The following EXOC2 variants were observed in gnomAD, a reference collection of about 807,000 sequenced individuals.
The protein encoded by EXOC2 is SEC5-like 1.
Under a neutral mutation model 131.8 loss-of-function variants are expected in EXOC2, and 70 were observed. The observed-to-expected ratio is 0.53, with a 90% CI of 0.44 to 0.65. The LOEUF (loss-of-function observed/expected upper bound fraction) is 0.65. Among genes scored for constraint, EXOC2 ranks in the 30% least tolerant of loss-of-function variants. EXOC2 has a pLI of 0.00. For synonymous variants in EXOC2, 411 were observed against 398.4 expected, an observed-to-expected ratio of 1.03 and a Z score of -0.38; for missense variants, 923 against 1,108.6, an observed-to-expected ratio of 0.83 and a Z score of 2.38.
At chr6:666,229 A>G (rs1763638805) in intron 1 of EXOC2, among the ~76,000 whole-genome samples, 1 of 152,252 alleles carries the variant, frequency 6.6e-6, no homozygotes, top group African/African-American at 2.4e-5. Context: ...TAATTTTCAG[A>G]TGTAGAAGAC....
intron 27 of EXOC2, among the ~76,000 whole-genome samples, chr6:488,258 C>A (rs545046748): frequency 2.0e-5 from 3 of 152,214 alleles, no homozygotes; most frequent in Non-Finnish European, 4.4e-5. Flanking sequence ...GCACTGCATT[C>A]ACGGTGCCAG....
intron 1 of EXOC2, among the ~76,000 whole-genome samples, chr6:647,247 C>T (rs1405497101): frequency 6.6e-6 from 1 of 152,090 alleles, no homozygotes; most frequent in Non-Finnish European, 1.5e-5. Context: ...TAGAAATATG[C>T]TGCTCTCCTT....
chr6:657,771 A>G lies in EXOC2; in HGVS notation c.-43-19910T>C, dbSNP rs1001340694. ...CTGTAGCACTCTGGCAGGCAAAAAA[A>G]AAAAAAAAAAATTCAACTTGCACTG... On this transcript the variant is annotated intron_variant, in intron 1 of 27. Transcript: ENST00000230449. 1.3e-4 allele frequency among the ~76,000 whole-genome samples: 20 copies of G among 152,216 alleles called. No individual in the cohort carries two copies. In the South Asian group the frequency reaches 4.2e-3, roughly 32 times the overall value.
chr6:680,564 G>C (rs950945219), intron 1 of EXOC2, among the ~76,000 whole-genome samples: 4 of 152,144 alleles, frequency 2.6e-5, no homozygotes, highest in African/African-American at 9.7e-5. Flanking sequence ...AGACCACACA[G>C]AATAGCCCAC....
intron 23 of EXOC2, among the ~76,000 whole-genome samples, chr6:519,042 G>A (rs1038022380): frequency 3.9e-5 from 6 of 151,932 alleles, no homozygotes; most frequent in Non-Finnish European, 8.8e-5. Flanking sequence ...ACAGAACCGC[G>A]TGAGGGATGG....
chr6:637,646 C>T, intron 2 of EXOC2, 55 bp downstream of exon 2: 1 of 1,372,958 alleles, frequency 7.3e-7, no homozygotes, highest in African/African-American at 1.5e-5. Flanking sequence ...TCTTGTCTCC[C>T]TTGTCCACAT....
intron 1 of EXOC2, chr6:657,049 C>T (rs993648162): frequency 4.1e-6 from 4 of 975,584 alleles, no homozygotes; most frequent in African/African-American, 1.7e-5. Context: ...GCCCTCCCTC[C>T]GGCCCCCCAG....
chr6:486,055 T>G lies in EXOC2; in HGVS notation c.*616A>C, dbSNP rs1226198548. 2 of 152,148 alleles carry G rather than the reference T, an allele frequency of 1.3e-5. No individual in the cohort carries two copies. Among genetic ancestry groups the G allele is most frequent in the African/African-American group, 2.4e-5 (1 of 41,418 alleles). The allele number at this position is 152,148 out of a possible 1,614,324, so 9.4% of individuals were successfully genotyped here. On this transcript the variant is annotated 3_prime_UTR_variant, in exon 28 of 28. Coordinates refer to ENST00000230449, the MANE Select transcript of EXOC2 (RefSeq NM_018303.6). ...AGCCCTGTGAAAAATAAAAATCAGA[T>G]AGCAAAACGCAAAGTTAAATCACAG... is the stretch of plus-strand genomic sequence containing the variant.
chr6:512,693 C>A (rs1380372704), intron 23 of EXOC2, among the ~76,000 whole-genome samples: 1 of 152,152 alleles, frequency 6.6e-6, no homozygotes, highest in Admixed American at 6.5e-5. Flanking sequence ...TGGTCTGACC[C>A]ATGCCCTGTA....
At chr6:554,066 G>T (rs1417536011) in intron 20 of EXOC2, 146 bp from the exon 21 acceptor site, 1 of 665,662 alleles carries the variant, frequency 1.5e-6, no homozygotes, top group East Asian at 2.8e-5. Flanking sequence ...TTGAGATGAA[G>T]TCTTGCTCTT....
At chr6:487,138 C>T (rs992570462) in intron 27 of EXOC2, among the ~76,000 whole-genome samples, 1 of 152,158 alleles carries the variant, frequency 6.6e-6, no homozygotes, top group Admixed American at 6.5e-5. Context: ...CAAAGCCATA[C>T]CGGAGTGTAA....
intron 21 of EXOC2, 37 bp from the exon 22 acceptor site, chr6:549,328 T>C (rs767518457): frequency 2.7e-6 from 4 of 1,480,068 alleles, no homozygotes; most frequent in Admixed American, 3.4e-5. Context: ...ATCACCTTTA[T>C]GGTGCCAGAG....
At chr6:562,627 G>A (rs1458256190) in intron 17 of EXOC2, among the ~76,000 whole-genome samples, 157 bp downstream of exon 17, 3 of 152,182 alleles carry the variant, frequency 2.0e-5, no homozygotes, top group South Asian at 2.1e-4. Context: ...TTTATGGTTC[G>A]TGTTAAGCAA....
intron 13 of EXOC2, among the ~76,000 whole-genome samples, chr6:571,550 C>T (rs554414316): frequency 2.0e-5 from 3 of 152,300 alleles, no homozygotes; most frequent in South Asian, 2.1e-4. Context: ...ACTCCAAAGA[C>T]ACCTGAGGTA....
At chr6:651,118 C>T (rs1762810244) in intron 1 of EXOC2, among the ~76,000 whole-genome samples, 1 of 151,330 alleles carries the variant, frequency 6.6e-6, no homozygotes. Context: ...GCAAGCTCTG[C>T]CTCGCAGGTT....
At chr6:586,847 C>G (rs996628290) in intron 11 of EXOC2, among the ~76,000 whole-genome samples, 3 of 152,122 alleles carry the variant, frequency 2.0e-5, no homozygotes, top group African/African-American at 7.2e-5. Context: ...TAGTCCCACC[C>G]CTACTCAGGA....
intron 1 of EXOC2, chr6:657,012 G>A (rs540424207): frequency 1.5e-6 from 2 of 1,320,258 alleles, no homozygotes; most frequent in East Asian, 2.6e-5. Context: ...CTTCCGGTCC[G>A]CTGGGGTCCG....
At position 674,712 on chromosome 6, in the gene EXOC2, ATGTTTGTT is replaced by A. The variant is rs556375852; in HGVS notation, c.-44+18299_-44+18306del. On this transcript the variant is annotated intron_variant, in intron 1 of 27. Transcript: ENST00000230449. Reference sequence around the variant, plus strand: ...AAAAGTCCTGGCCCTTGTATTAACCATGTTTGTTTGTTTGTTTGTTTGTTTGTTTGTTG... The same window carrying A: ...AAAAGTCCTGGCCCTTGTATTAACCATGTTTGTTTGTTTGTTTGTTTGTTG... 6.9e-3 allele frequency among the ~76,000 whole-genome samples: 1,021 copies of A among 148,676 alleles called. 11 individuals carry two copies. Among genetic ancestry groups the A allele is most frequent in the African/African-American group, 0.023 (921 of 39,708 alleles).
intron 25 of EXOC2, 92 bp from the exon 26 acceptor site, chr6:491,278 T>C: frequency 7.6e-7 from 1 of 1,312,654 alleles, no homozygotes; most frequent in Non-Finnish European, 1.1e-6. Context: ...AGCCTGCTCA[T>C]CGTAGGATGG....
Sources: allele counts gnomAD v4.1 joint callset (sites outside exome capture counted in the v4.1 genomes callset), GRCh38; gene constraint gnomAD v4.1.1; transcripts MANE v1.5; gene names NCBI Gene and HGNC (gene_info 2026-07-23, HGNC 2026-07-21).